Variants in ANO6 observed in about 807,000 individuals in gnomAD.
ANO6 encodes anoctamin 6.
In ANO6, 106 loss-of-function variants were observed where a neutral mutation model predicts 117.5. That is an observed-to-expected ratio of 0.90 (90% CI 0.77 to 1.06). The LOEUF (loss-of-function observed/expected upper bound fraction) is 1.06. ANO6 is among the 50% of genes least tolerant of loss of function. The pLI, the probability that ANO6 is intolerant of heterozygous loss-of-function variation, is 0.00. For synonymous variants in ANO6, 367 were observed against 385.1 expected, an observed-to-expected ratio of 0.95 and a Z score of 0.55; for missense variants, 955 against 1,121.1, an observed-to-expected ratio of 0.85 and a Z score of 2.12.
intron 15 of ANO6, among the ~76,000 whole-genome samples, chr12:45,408,604 G>T (rs746315867): frequency 2.0e-5 from 3 of 152,080 alleles, no homozygotes; most frequent in Non-Finnish European, 2.9e-5. Context: ...TCACTCCTCT[G>T]GTCCTTAAAT....
intron 1 of ANO6, among the ~76,000 whole-genome samples, chr12:45,257,466 C>T (rs1475291916): frequency 6.6e-6 from 1 of 152,202 alleles, no homozygotes; most frequent in Non-Finnish European, 1.5e-5. Context: ...CTTGTTATTT[C>T]CTCCCCCACA....
chr12:45,406,175 C>G lies in ANO6; in HGVS notation c.1880+2639C>G, dbSNP rs967589027. Among the ~76,000 whole-genome samples the G allele has an allele frequency of 3.5e-4, 53 of 152,220 alleles. 1 individual carries two copies. Among genetic ancestry groups the G allele is most frequent in the African/African-American group, 1.2e-3 (49 of 41,450 alleles). ...CAGGGATCCAGGTTCCTTTTGGGGC[C>G]TCCCCAGTACCTGGCATATGACAGG... On this transcript the variant is annotated intron_variant, in intron 15 of 19. Transcript: ENST00000320560.
intron 9 of ANO6, among the ~76,000 whole-genome samples, chr12:45,374,255 G>C (rs1593031360): frequency 2.1e-5 from 2 of 94,630 alleles, no homozygotes; most frequent in East Asian, 5.9e-4. Flanking sequence ...TGGATTCACA[G>C]CCGAATTCTA....
chr12:45,270,393 T>C (rs1938355795), intron 1 of ANO6: 1 of 1,457,266 alleles, frequency 6.9e-7, no homozygotes, highest in Non-Finnish European at 9.0e-7. Flanking sequence ...CGCCTCCTGC[T>C]CTGTCTGCAG....
chr12:45,418,405 G>A (rs897761784), intron 17 of ANO6, among the ~76,000 whole-genome samples: 7 of 152,258 alleles, frequency 4.6e-5, no homozygotes, highest in African/African-American at 1.4e-4. Context: ...GCAAAATGAA[G>A]ACTGCTGTTT....
intron 1 of ANO6, among the ~76,000 whole-genome samples, chr12:45,260,101 A>G (rs953516708): frequency 3.3e-5 from 5 of 152,208 alleles, no homozygotes; most frequent in Non-Finnish European, 7.3e-5. Context: ...TTTCTTCCAT[A>G]AGGAAAAAAT....
rs11182970 is a variant in ANO6, at chr12:45,313,581, C to G, written c.150+11488C>G. ...CAGCCCTGCCATACCCCGTATCATT[C>G]CCTTTCAAATGAAATCAGAGTGTGT... is the stretch of plus-strand genomic sequence containing the variant. On this transcript the variant is annotated intron_variant, in intron 2 of 19. Coordinates refer to ENST00000320560, the MANE Select transcript of ANO6 (RefSeq NM_001025356.3). 6 of 152,074 alleles carry G rather than the reference C, an allele frequency of 3.9e-5. No homozygotes were observed. In the South Asian group the frequency reaches 1.2e-3, roughly 32 times the overall value. The allele number at this position is 152,074 out of a possible 1,614,324, so 9.4% of individuals were successfully genotyped here. A position where few individuals can be genotyped will look rare whatever the true frequency, so the allele number is the denominator to read the frequency against.
chr12:45,322,465 T>C (rs1289012611), intron 2 of ANO6, among the ~76,000 whole-genome samples: 1 of 152,196 alleles, frequency 6.6e-6, no homozygotes, highest in Non-Finnish European at 1.5e-5. Context: ...AATCAGATTA[T>C]AAGGCATTTG....
At chr12:45,225,036 C>T (rs1947460259) in intron 1 of ANO6, among the ~76,000 whole-genome samples, 1 of 151,970 alleles carries the variant, frequency 6.6e-6, no homozygotes, top group African/African-American at 2.4e-5. Flanking sequence ...ACAAAAACTG[C>T]AAAAATCAGT....
intron 11 of ANO6, 75 bp from the exon 12 acceptor site, chr12:45,390,346 T>C: frequency 4.3e-6 from 5 of 1,162,236 alleles, no homozygotes; most frequent in Non-Finnish European, 6.5e-6. Context: ...CTAAGATTTA[T>C]TGGCGAGTCA....
At chr12:45,318,517 A>G (rs972215346) in intron 2 of ANO6, among the ~76,000 whole-genome samples, 33 of 152,132 alleles carry the variant, frequency 2.2e-4, no homozygotes, top group Admixed American at 4.6e-4. Flanking sequence ...TGCCGTTTTG[A>G]TTACTGTAGC....
At chr12:45,240,430 G>A (rs1947723963) in intron 1 of ANO6, among the ~76,000 whole-genome samples, 1 of 97,100 alleles carries the variant, frequency 1.0e-5, no homozygotes, top group Non-Finnish European at 2.0e-5. Flanking sequence ...CCTTTATTTT[G>A]AGCCTGTGTG....
At chr12:45,324,814 A>T (rs1940405816) in intron 2 of ANO6, among the ~76,000 whole-genome samples, 1 of 152,198 alleles carries the variant, frequency 6.6e-6, no homozygotes, top group Non-Finnish European at 1.5e-5. Flanking sequence ...CACCTTACTT[A>T]TCTTCTTCAT....
chr12:45,423,088 T>C (rs1451891388), intron 19 of ANO6, 26 bp downstream of exon 19: 1 of 1,535,096 alleles, frequency 6.5e-7, no homozygotes. Flanking sequence ...TTTCAAACAG[T>C]TTATAAGGAT....
intron 1 of ANO6, among the ~76,000 whole-genome samples, chr12:45,237,183 C>G (rs1478062485): frequency 6.6e-6 from 1 of 152,184 alleles, no homozygotes; most frequent in African/African-American, 2.4e-5. Context: ...GTTGCCTGTT[C>G]ACTCTGATGG....
At chr12:45,226,499 T>G (rs1947484208) in intron 1 of ANO6, among the ~76,000 whole-genome samples, 1 of 152,094 alleles carries the variant, frequency 6.6e-6, no homozygotes, top group Admixed American at 6.5e-5. Context: ...AACTTTAGCC[T>G]TAGGTCAAAG....
intron 9 of ANO6, among the ~76,000 whole-genome samples, chr12:45,368,825 A>G (rs955958840): frequency 1.6e-4 from 24 of 152,180 alleles, no homozygotes; most frequent in Non-Finnish European, 4.4e-5. Flanking sequence ...CACTTTCTAT[A>G]TCATACTTTG....
Position 45,376,967 on chromosome 12 carries a change from G to T in ANO6, c.1105-1086G>T, listed in dbSNP as rs150385795. 3.9e-3 allele frequency among the ~76,000 whole-genome samples: 595 copies of T among 152,120 alleles called. 1 individual carries two copies. The highest frequency in any genetic ancestry group is 6.9e-3 in the Middle Eastern group (2 of 290). On this transcript the variant is annotated intron_variant, in intron 9 of 19. Transcript: ENST00000320560. ...ACAATCAATGTGGACGATTGAGGGGGCCTTGAAAATTAGATGGATGAGAAT... is the reference window on the plus strand; with the variant it reads ...ACAATCAATGTGGACGATTGAGGGGTCCTTGAAAATTAGATGGATGAGAAT...
At chr12:45,376,016 AC>A (rs1942003721) in intron 9 of ANO6, among the ~76,000 whole-genome samples, 3 of 150,714 alleles carry the variant, frequency 2.0e-5, no homozygotes, top group Non-Finnish European at 4.5e-5. Context: ...CAAGAAAAAA[AC>A]AACCCCATCA....
Sources: allele counts gnomAD v4.1 joint callset (sites outside exome capture counted in the v4.1 genomes callset), GRCh38; gene constraint gnomAD v4.1.1; transcripts MANE v1.5; gene names NCBI Gene and HGNC (gene_info 2026-07-23, HGNC 2026-07-21).